CCDC124: variants seen among roughly 807,000 people sequenced by gnomAD.
CCDC124 encodes coiled-coil domain-containing protein 124.
CCDC124 carries 9 observed loss-of-function variants against 19.8 expected under a neutral mutation model. The ratio of observed to expected loss-of-function variants is 0.45; its 90% CI spans 0.27 to 0.79. The LOEUF (loss-of-function observed/expected upper bound fraction) is 0.79. Among genes scored for constraint, CCDC124 ranks in the 30% least tolerant of loss-of-function variants. The pLI, the probability that CCDC124 is intolerant of heterozygous loss-of-function variation, is 0.14. For synonymous variants in CCDC124, 126 were observed against 131.3 expected (o/e 0.96, Z 0.27); for missense variants, 285 against 319.0 (o/e 0.89, Z 0.81).
chr19:17,936,499 G>T lies in CCDC124; in HGVS notation c.79G>T (p.Asp27Tyr). The change falls in exon 2 of 5, where the codon GAT becomes TAT. Residue 27 changes from aspartate to tyrosine, a missense_variant. Coordinates refer to ENST00000445755, the MANE Select transcript of CCDC124 (RefSeq NM_001136203.2). ...ARRAEAKAAA[D>Y]AKKQKELEDA... Reference sequence around the variant, plus strand: ...TAGGGCAGAGGCCAAGGCGGCCGCTGATGCCAAGAAGCAGAAGGAGCTGGA... The same window carrying T: ...TAGGGCAGAGGCCAAGGCGGCCGCTTATGCCAAGAAGCAGAAGGAGCTGGA... 6.2e-7 allele frequency: 1 copy of T among 1,613,418 alleles called. No homozygotes were observed. The highest frequency in any genetic ancestry group is 8.5e-7 in the Non-Finnish European group (1 of 1,179,800).
Position 17,943,241 on chromosome 19 carries a change from T to TCTGGGG in CCDC124, c.350-19_350-18insTGGGGC. 3.4e-5 allele frequency: 25 copies of TCTGGGG among 736,562 alleles called. No individual in the cohort carries two copies. The highest frequency in any genetic ancestry group is 5.4e-5 in the East Asian group (2 of 37,072). 45.6% of individuals were successfully genotyped at this position (736,562 alleles called of 1,614,324 possible). A position where few individuals can be genotyped will look rare whatever the true frequency, so the allele number is the denominator to read the frequency against. On this transcript the variant is annotated intron_variant, in intron 3 of 4. Coordinates refer to ENST00000445755, the MANE Select transcript of CCDC124 (RefSeq NM_001136203.2). Reference sequence around the variant, plus strand: ...CTTTGCTTATCTCTCTCTGTCTCTGTCACCCACCCACCCGCCCAGCCGAGA... The same window carrying TCTGGGG: ...CTTTGCTTATCTCTCTCTGTCTCTGTCTGGGGCACCCACCCACCCGCCCAGCCGAGA...
At chr19:17,936,714 C>G in intron 2 of CCDC124, 135 bp downstream of exon 2, 1 of 1,096,374 alleles carries the variant, frequency 9.1e-7, no homozygotes, top group Non-Finnish European at 1.3e-6. Context: ...GGCGCTGTCG[C>G]TCACGCCTGT....
intron 2 of CCDC124, among the ~76,000 whole-genome samples, chr19:17,937,326 G>T (rs538942018): frequency 2.6e-5 from 4 of 152,122 alleles, no homozygotes; most frequent in Non-Finnish European, 4.4e-5. Flanking sequence ...GATGGCAGAG[G>T]GGAGGGAGGC....
At chr19:17,934,390 C>CAA (rs201120336) in intron 1 of CCDC124, among the ~76,000 whole-genome samples, 1 of 148,710 alleles carries the variant, frequency 6.7e-6, no homozygotes, top group African/African-American at 2.5e-5. Flanking sequence ...CGTCTCAAAA[C>CAA]AAAAAAAAGC....
chr19:17,936,150 C>A (rs1270329859), intron 1 of CCDC124: 7 of 334,708 alleles, frequency 2.1e-5, no homozygotes, highest in African/African-American at 4.2e-5. Context: ...AGTGATCCGC[C>A]CGCCTCGGCC....
intron 2 of CCDC124, among the ~76,000 whole-genome samples, chr19:17,937,145 G>A (rs12610834): frequency 0.17 from 26,452 of 152,066 alleles, 2,619 homozygotes; most frequent in Non-Finnish European, 0.22. Context: ...GCCAGGCATG[G>A]TGGCAGGCTC....
chr19:17,943,899 C>A lies in CCDC124; in HGVS notation c.*184C>A. On this transcript the variant is annotated 3_prime_UTR_variant, in exon 5 of 5. Transcript: ENST00000445755. ...AGAGGGTCCCTGCCCCGAGTGACACCCCATCCCCTCCCATCCCCCGGCGCG... is the reference window on the plus strand; with the variant it reads ...AGAGGGTCCCTGCCCCGAGTGACACACCATCCCCTCCCATCCCCCGGCGCG... 1.6e-6 allele frequency: 1 copy of A among 609,350 alleles called. No individual in the cohort carries two copies. The highest frequency in any genetic ancestry group is 2.9e-5 in the Admixed American group (1 of 34,040). The allele number at this position is 609,350 out of a possible 1,614,324, so 37.7% of individuals were successfully genotyped here. A position where few individuals can be genotyped will look rare whatever the true frequency, so the allele number is the denominator to read the frequency against.
In CCDC124 at chr19:17,942,419, C is replaced by T. The variant is rs1327843579; in HGVS notation, c.160-237C>T. ...GCTCTCCCCCTTGGCCGGCGCTCTTCGCACCTAGGAGCGTCACTTCTTCAA... is the reference window on the plus strand; with the variant it reads ...GCTCTCCCCCTTGGCCGGCGCTCTTTGCACCTAGGAGCGTCACTTCTTCAA... On this transcript the variant is annotated intron_variant, in intron 2 of 4. Coordinates refer to ENST00000445755, the MANE Select transcript of CCDC124 (RefSeq NM_001136203.2). The surrounding 1 kb of genome is among the most constrained non-coding windows in gnomAD (Gnocchi z 4.2). Among the ~76,000 whole-genome samples, 1 of 152,204 alleles carries T rather than the reference C, an allele frequency of 6.6e-6. No homozygotes were observed. The highest frequency in any genetic ancestry group is 2.4e-5 in the African/African-American group (1 of 41,450).
At chr19:17,933,846 G>C (rs2031000979) in intron 1 of CCDC124, among the ~76,000 whole-genome samples, 1 of 152,210 alleles carries the variant, frequency 6.6e-6, no homozygotes, top group South Asian at 2.1e-4. Context: ...TCTTCTCTGG[G>C]AGTCCCATGC....
chr19:17,939,703 A>T (rs537553346), intron 2 of CCDC124, among the ~76,000 whole-genome samples: 1 of 151,690 alleles, frequency 6.6e-6, no homozygotes, highest in Non-Finnish European at 1.5e-5. Context: ...GCTCACTGCA[A>T]CCTCTGCCTC....
At position 17,936,600 on chromosome 19, in the gene CCDC124, C is replaced by T. The variant is rs199522549; in HGVS notation, c.159+21C>T. On this transcript the variant is annotated intron_variant, in intron 2 of 4. Coordinates refer to ENST00000445755, the MANE Select transcript of CCDC124 (RefSeq NM_001136203.2). Reference sequence around the variant, plus strand: ...GCAAGGTGCGTGCACTCCGAGTCCCCGCGGCCCGCATGCCTTGTGGCCAAG... The same window carrying T: ...GCAAGGTGCGTGCACTCCGAGTCCCTGCGGCCCGCATGCCTTGTGGCCAAG... 4.8e-5 allele frequency: 77 copies of T among 1,602,352 alleles called. No individual in the cohort carries two copies. In the Middle Eastern group the frequency reaches 1.0e-3, roughly 21 times the overall value.
At chr19:17,935,621 G>A (rs751042453) in intron 1 of CCDC124, among the ~76,000 whole-genome samples, 2 of 151,914 alleles carry the variant, frequency 1.3e-5, no homozygotes, top group African/African-American at 2.4e-5. Context: ...TCACTCTGCC[G>A]CCTAGGCTGG....
At chr19:17,936,747 G>A (rs966645592) in intron 2 of CCDC124, 168 bp downstream of exon 2, 18 of 728,750 alleles carry the variant, frequency 2.5e-5, no homozygotes, top group South Asian at 2.2e-4. Flanking sequence ...TTGGGAGGCC[G>A]AGGCAGGCAG....
At chr19:17,934,934 G>A in intron 1 of CCDC124, among the ~76,000 whole-genome samples, 1 of 149,458 alleles carries the variant, frequency 6.7e-6, no homozygotes, top group East Asian at 2.0e-4. Context: ...TTTCTTTTAA[G>A]AGACAGGGTC....
At chr19:17,937,122 A>G (rs1195164206) in intron 2 of CCDC124, 1 of 152,260 alleles carries the variant, frequency 6.6e-6, no homozygotes, top group East Asian at 1.9e-4. Context: ...CTCTACTCAA[A>G]ATACAAAAAT....
chr19:17,934,638 C>G (rs1309557662), intron 1 of CCDC124, among the ~76,000 whole-genome samples: 1 of 124,762 alleles, frequency 8.0e-6, no homozygotes, highest in African/African-American at 3.0e-5. Flanking sequence ...AAAAAAAAAG[C>G]TAGGCATGGT....
intron 2 of CCDC124, among the ~76,000 whole-genome samples, chr19:17,941,127 C>A (rs2031170980): frequency 6.6e-6 from 1 of 152,124 alleles, no homozygotes; most frequent in South Asian, 2.1e-4. Context: ...TTTGTCAACC[C>A]CTGCTCTCTA....
chr19:17,933,547 T>TGGG (rs2147776971), intron 1 of CCDC124, among the ~76,000 whole-genome samples: 1 of 152,284 alleles, frequency 6.6e-6, no homozygotes, highest in East Asian at 1.9e-4. Flanking sequence ...TCCTGCCATC[T>TGGG]GGGGAGTCCA....
At position 17,942,899 on chromosome 19, in the gene CCDC124, G is replaced by A. The variant is rs2147782040; in HGVS notation, c.349+54G>A. On this transcript the variant is annotated intron_variant, in intron 3 of 4. Coordinates refer to ENST00000445755, the MANE Select transcript of CCDC124 (RefSeq NM_001136203.2). This position sits in a 1 kb window ranked among gnomAD's most constrained non-coding sequence, Gnocchi z 4.2. ...ACTTTTGCCCACTGCAGAGGCAGTGGACCTTGAGTCCATTAGCCCCCTCCT... is the reference window on the plus strand; with the variant it reads ...ACTTTTGCCCACTGCAGAGGCAGTGAACCTTGAGTCCATTAGCCCCCTCCT... 1 of 1,458,522 alleles carries A rather than the reference G, an allele frequency of 6.9e-7. No homozygotes were observed. Among genetic ancestry groups the A allele is most frequent in the East Asian group, 2.5e-5 (1 of 40,270 alleles). The allele number at this position is 1,458,522 out of a possible 1,614,324, so 90.3% of individuals were successfully genotyped here. A position where few individuals can be genotyped will look rare whatever the true frequency, so the allele number is the denominator to read the frequency against.
Sources: gnomAD v4.1 joint callset for allele counts (sites outside exome capture counted in the v4.1 genomes callset) on GRCh38, gnomAD v4.1.1 for gene constraint, Gnocchi (gnomAD v3.1) non-coding constraint, MANE v1.5 for transcripts, NCBI Gene and HGNC (gene_info 2026-07-23, HGNC 2026-07-21) for gene names.